Variants in GK observed in about 807,000 individuals in gnomAD.
GK encodes glycerol kinase, also known as ATP:glycerol 3-phosphotransferase.
Under a neutral mutation model 56.4 loss-of-function variants are expected in GK, and 9 were observed. That is an observed-to-expected ratio of 0.16 (90% CI 0.10 to 0.28). The LOEUF (loss-of-function observed/expected upper bound fraction) is 0.28, where lower values mean the gene tolerates loss of function less well. Among genes scored for constraint, GK ranks in the 10% least tolerant of loss-of-function variants. The probability of loss-of-function intolerance (pLI) is 1.00; values close to 1 mark genes in which losing one functional copy is unlikely to be tolerated. For missense variants in GK, 161 were observed against 431.4 expected (o/e 0.37, Z 5.55); for synonymous variants, 104 against 144.1 (o/e 0.72, Z 1.99).
intron 19 of GK, among the ~76,000 whole-genome samples, chrX:30,726,418 GC>G (rs1201902809): frequency 9.1e-6 from 1 of 109,295 alleles, no homozygotes; most frequent in East Asian, 2.9e-4. Context: ...CTCCCGAGTA[GC>G]TGGGATTACA....
At chrX:30,684,926 T>C (rs142536251) in intron 4 of GK, among the ~76,000 whole-genome samples, 2,298 of 111,072 alleles carry the variant, frequency 0.021, 48 homozygotes, top group African/African-American at 0.065. Context: ...CGTTTTTACA[T>C]TTTTTTAACA....
intron 3 of GK, among the ~76,000 whole-genome samples, chrX:30,674,902 T>C (rs1465896770): frequency 8.9e-6 from 1 of 112,023 alleles, no homozygotes; most frequent in Admixed American, 9.5e-5. Context: ...AGCTCTGTGC[T>C]GGTCAGAACA....
intron 13 of GK, among the ~76,000 whole-genome samples, chrX:30,717,079 T>C (rs1391331052): frequency 5.4e-5 from 6 of 112,063 alleles, no homozygotes; most frequent in Non-Finnish European, 1.1e-4. Context: ...ATTCATTCTC[T>C]AGTTTACTTA....
At chrX:30,699,355 A>G (rs1172138487) in intron 9 of GK, among the ~76,000 whole-genome samples, 2 of 86,927 alleles carry the variant, frequency 2.3e-5, no homozygotes, top group Non-Finnish European at 4.4e-5. Context: ...TTATATATAT[A>G]TATACACACA....
chrX:30,668,764 A>G (rs1048979628), intron 3 of GK, among the ~76,000 whole-genome samples: 1 of 111,838 alleles, frequency 8.9e-6, no homozygotes, highest in African/African-American at 3.2e-5. Context: ...GATGACTTGC[A>G]GTTTCAAGGC....
intron 8 of GK, 73 bp from the exon 9 acceptor site, chrX:30,697,659 G>C: frequency 1.3e-6 from 1 of 750,437 alleles, no homozygotes; most frequent in East Asian, 3.2e-5. Flanking sequence ...AAAAAACGTG[G>C]AACTGGCCTA....
Position 30,728,643 on chromosome X carries a change from T to C in GK, c.1670-89T>C, listed in dbSNP as rs939074623. ...TAGAAATCATATGGACTTTCTAGCT[T>C]AATAAATGATTGAATCATCTGCATT... is the stretch of plus-strand genomic sequence containing the variant. On this transcript the variant is annotated intron_variant, in intron 20 of 20. Transcript: ENST00000427190. The C allele has an allele frequency of 4.7e-6, 3 of 635,682 alleles. No homozygotes were observed. In the African/African-American group the frequency reaches 6.5e-5, roughly 14 times the overall value. The allele number at this position is 635,682 out of a possible 1,213,427, so 52.4% of individuals were successfully genotyped here.
intron 3 of GK, among the ~76,000 whole-genome samples, chrX:30,673,731 C>G (rs1447530956): frequency 9.0e-6 from 1 of 111,513 alleles, no homozygotes; most frequent in Non-Finnish European, 1.9e-5. Context: ...TGAAATAGCT[C>G]TAAATTAGAT....
intron 3 of GK, among the ~76,000 whole-genome samples, chrX:30,675,623 A>G (rs1256766828): frequency 1.9e-5 from 2 of 105,879 alleles, no homozygotes; most frequent in Admixed American, 1.0e-4. Flanking sequence ...GGCTCAAGCA[A>G]TCCTCCTGGG....
chrX:30,672,833 A>G (rs1161704948), intron 3 of GK, among the ~76,000 whole-genome samples: 37 of 111,828 alleles, frequency 3.3e-4, no homozygotes. Context: ...AATGAAAATA[A>G]AAAGCTTTAT....
chrX:30,666,046 T>C (rs1014221230), intron 2 of GK, among the ~76,000 whole-genome samples: 2 of 112,113 alleles, frequency 1.8e-5, no homozygotes, highest in African/African-American at 6.5e-5. Context: ...AGTATATTAT[T>C]TAAAATTTAA....
intron 4 of GK, among the ~76,000 whole-genome samples, chrX:30,683,485 C>CA (rs1569153376): frequency 9.0e-6 from 1 of 111,654 alleles, no homozygotes; most frequent in Non-Finnish European, 1.9e-5. Context: ...CACTCACCCC[C>CA]ACTACGGTAA....
At chrX:30,699,227 T>TA (rs1555916605) in intron 9 of GK, among the ~76,000 whole-genome samples, 1 of 99,691 alleles carries the variant, frequency 1.0e-5, no homozygotes, top group Non-Finnish European at 2.0e-5. Flanking sequence ...ATGTTATATA[T>TA]ACATGTTATG....
intron 3 of GK, among the ~76,000 whole-genome samples, chrX:30,675,463 C>G (rs1265230846): frequency 9.3e-6 from 1 of 108,047 alleles, no homozygotes; most frequent in Non-Finnish European, 1.9e-5. Flanking sequence ...TCCCAAAGTG[C>G]TGGGATTACA....
rs759235888 is a variant in GK, at chrX:30,699,595, C to T, written c.748-819C>T. ...GCCAGGCTGGTCTTCAAGTCCTGACCTCAGGTGATCCTCCCACCTCGGCCT... is the reference window on the plus strand; with the variant it reads ...GCCAGGCTGGTCTTCAAGTCCTGACTTCAGGTGATCCTCCCACCTCGGCCT... On this transcript the variant is annotated intron_variant, in intron 9 of 20. Transcript: ENST00000427190. Among the ~76,000 whole-genome samples, 19 of 109,416 alleles carry T rather than the reference C, an allele frequency of 1.7e-4. No individual in the cohort carries two copies. In the East Asian group the frequency reaches 4.6e-3, roughly 26 times the overall value.
rs376714894 is a variant in GK, at chrX:30,700,921, A to T, written c.851+16A>T. 40 of 1,097,202 alleles carry T rather than the reference A, an allele frequency of 3.6e-5. No individual in the cohort carries two copies. Among genetic ancestry groups the T allele is most frequent in the Non-Finnish European group, 4.8e-5 (38 of 790,823 alleles). 90.4% of individuals were successfully genotyped at this position (1,097,202 alleles called of 1,213,427 possible). On this transcript the variant is annotated intron_variant, in intron 11 of 20. Coordinates refer to ENST00000427190, the MANE Select transcript of GK (RefSeq NM_001205019.2). Reference sequence around the variant, plus strand: ...CCAAAAATACGTGAGTTTAAGAAACAGACTTAAAAACCAATGCTGTTTTGT... The same window carrying T: ...CCAAAAATACGTGAGTTTAAGAAACTGACTTAAAAACCAATGCTGTTTTGT...
In GK at chrX:30,653,627, G is replaced by T. The variant is rs750789082; in HGVS notation, c.78+12G>T. 3 of 1,194,326 alleles carry T rather than the reference G, an allele frequency of 2.5e-6. No individual in the cohort carries two copies. The highest frequency in any genetic ancestry group is 3.4e-6 in the Non-Finnish European group (3 of 879,267). ...CGACGCGCTTTTTGGTGAGCCCGGGGTGACATGTGAAGAGGCGCTGAGCCG... is the reference window on the plus strand; with the variant it reads ...CGACGCGCTTTTTGGTGAGCCCGGGTTGACATGTGAAGAGGCGCTGAGCCG... On this transcript the variant is annotated intron_variant, in intron 1 of 20. Transcript: ENST00000427190.
intron 1 of GK, among the ~76,000 whole-genome samples, chrX:30,661,412 G>A (rs1230959720): frequency 9.1e-6 from 1 of 110,253 alleles, no homozygotes; most frequent in African/African-American, 3.3e-5. Context: ...CCATCGCAGC[G>A]GCCCTCCTAG....
chrX:30,671,930 G>A (rs749676034), intron 3 of GK: 2 of 110,327 alleles, frequency 1.8e-5, no homozygotes, highest in South Asian at 7.8e-4. Context: ...GATCCCCTGA[G>A]GTTGGGAGTT....
Sources: gnomAD v4.1 joint callset for allele counts (sites outside exome capture counted in the v4.1 genomes callset) on GRCh38, gnomAD v4.1.1 for gene constraint, MANE v1.5 for transcripts, NCBI Gene and HGNC (gene_info 2026-07-23, HGNC 2026-07-21) for gene names.